ZNF729: variants seen among roughly 807,000 people sequenced by gnomAD.
ZNF729 encodes the protein zinc finger protein 729.
A neutral mutation model predicts 12.2 loss-of-function variants in ZNF729; 15 were observed. That is an observed-to-expected ratio of 1.23 (90% CI 0.82 to 1.89). The LOEUF is 1.89. Ranked by LOEUF, ZNF729 falls within the 40% of genes most tolerant of loss-of-function variation. ZNF729 has a pLI of 0.00. For synonymous variants in ZNF729, 492 were observed against 476.3 expected (o/e 1.03, Z -0.43); for missense variants, 1,540 against 1,456.7 (o/e 1.06, Z -0.93).
Position 22,292,436 on chromosome 19 carries a change from CTTTTA to C in ZNF729, c.30+5890_30+5894del, listed in dbSNP as rs374814913. On this transcript the variant is annotated intron_variant, in intron 1 of 3. Coordinates refer to ENST00000601693, the MANE Select transcript of ZNF729 (RefSeq NM_001242680.2). ...GTACCATATTTTGTTTTCATTAAATCTTTTATTTTATTTATTTTTGGAGACTGGGT... is the reference window on the plus strand; with the variant it reads ...GTACCATATTTTGTTTTCATTAAATCTTTTATTTATTTTTGGAGACTGGGT... Among the ~76,000 whole-genome samples the C allele has an allele frequency of 2.8e-4, 42 of 152,052 alleles. No individual in the cohort carries two copies. In the East Asian group the frequency reaches 7.7e-3, roughly 28 times the overall value.
rs747121696 is a variant in ZNF729 at position 22,316,041 on chromosome 19, G to A, written c.2624G>A (p.Ser875Asn). The part of the protein sequence containing the change: ...SSLRKHEIIH[S>N]GEKPYKCEEC... ...CTTAGAAAACATGAGATAATTCATAGTGGAGAGAAACCATACAAATGTGAA... is the reference window on the plus strand; with the variant it reads ...CTTAGAAAACATGAGATAATTCATAATGGAGAGAAACCATACAAATGTGAA... The change falls in exon 4 of 4, where the codon AGT (serine) becomes AAT (asparagine). Residue 875 changes from serine to asparagine, a missense_variant. By Grantham distance (46) the Ser-to-Asn change is conservative (BLOSUM62 1). Coordinates refer to ENST00000601693, the MANE Select transcript of ZNF729 (RefSeq NM_001242680.2). The A allele has an allele frequency of 1.9e-6, 3 of 1,606,044 alleles. No homozygotes were observed. The highest frequency in any genetic ancestry group is 2.7e-5 in the African/African-American group (2 of 73,198).
chr19:22,301,631 T>G (rs1412314617), intron 1 of ZNF729, among the ~76,000 whole-genome samples: 1 of 152,306 alleles, frequency 6.6e-6, no homozygotes, highest in Non-Finnish European at 1.5e-5. Flanking sequence ...CTTAAATCTT[T>G]TCTTTGAGAC....
In ZNF729 at chr19:22,314,466, G is replaced by A. The variant is rs116512305; in HGVS notation, c.1049G>A (p.Arg350His). Residue 350 changes from arginine (R) to histidine (H), a missense_variant, in exon 4 of 4, where the codon CGT becomes CAT. By Grantham distance (29) the Arg-to-His change is conservative. Coordinates refer to ENST00000601693, the MANE Select transcript of ZNF729 (RefSeq NM_001242680.2). The stretch of plus-strand genomic sequence containing the variant: ...CATACTGGAAAGAAACCCTACAAGC[G>A]TGAAGAATGTGGCAAAGCTTTTAGC... ...IIHTGKKPYK[R>H]EECGKAFSQS... 5.5e-4 allele frequency: 880 copies of A among 1,608,612 alleles called. 12 individuals are homozygous for A. In the African/African-American group the frequency reaches 7.2e-3, roughly 13 times the overall value.
chr19:22,302,010 G>T (rs1389969565), intron 1 of ZNF729, among the ~76,000 whole-genome samples: 2 of 152,312 alleles, frequency 1.3e-5, no homozygotes, highest in Admixed American at 1.3e-4. Context: ...AATCACCTAG[G>T]CATCTTTGAG....
chr19:22,288,311 G>GTTTTTTTTTTTTT (rs79658308), intron 1 of ZNF729, among the ~76,000 whole-genome samples: 1 of 124,888 alleles, frequency 8.0e-6, no homozygotes, highest in Non-Finnish European at 1.8e-5. Context: ...TCTTTGTACT[G>GTTTTTTTTTTTTT]TTTTTTTTTT....
chr19:22,286,586 G>A, intron 1 of ZNF729, 31 bp downstream of exon 1: 5 of 1,614,026 alleles, frequency 3.1e-6, no homozygotes, highest in Non-Finnish European at 4.2e-6. Context: ...ATCCCGAGAA[G>A]GGGAAGGGGC....
In ZNF729 at chr19:22,314,394, G is replaced by A. The variant is rs189619444; in HGVS notation, c.977G>A (p.Gly326Asp). ...AAACCCTACAAATGTGAAGATTGTG[G>A]CAAAACTTTTAACCATTTCTCAGCC... ...AEKPYKCEDC[G>D]KTFNHFSALR... The change falls in exon 4 of 4, where the codon GGC becomes GAC. Residue 326 changes from glycine to aspartate, a missense_variant. Coordinates refer to ENST00000601693, the MANE Select transcript of ZNF729 (RefSeq NM_001242680.2). 1 of 1,591,652 alleles carries A rather than the reference G, an allele frequency of 6.3e-7. No homozygotes were observed. The highest frequency in any genetic ancestry group is 8.6e-7 in the Non-Finnish European group (1 of 1,166,480).
intron 3 of ZNF729, among the ~76,000 whole-genome samples, chr19:22,308,689 T>C (rs1480896220): frequency 6.6e-6 from 1 of 152,216 alleles, no homozygotes; most frequent in Non-Finnish European, 1.5e-5. Context: ...AATTGTCTAT[T>C]CATGTCCTTA....
rs771182343 is a variant in ZNF729 at position 22,317,066 on chromosome 19, A to C, written c.3649A>C (p.Asn1217His). ...AATTCATACCAGAGAGAAACCTACA[A>C]ATGTGAAGAAAGTACCAAAGCTTTT... ...KTIHTREKPT[N>H]VKKVPKLLSN... The change falls in exon 4 of 4, where the codon AAT becomes CAT. Residue 1217 changes from asparagine to histidine, a missense_variant. Physicochemically the swap from Asn to His is moderately conservative, Grantham distance 68. Transcript: ENST00000601693. 2 of 1,605,454 alleles carry C rather than the reference A, an allele frequency of 1.2e-6. No homozygotes were observed. The highest frequency in any genetic ancestry group is 1.7e-6 in the Non-Finnish European group (2 of 1,176,768).
At chr19:22,295,653 G>T (rs1418430778) in intron 1 of ZNF729, among the ~76,000 whole-genome samples, 1 of 152,082 alleles carries the variant, frequency 6.6e-6, no homozygotes, top group Non-Finnish European at 1.5e-5. Context: ...GCCCGTCTCG[G>T]CCTCCCAAAG....
chr19:22,316,760 A>T lies in ZNF729; in HGVS notation c.3343A>T (p.Asn1115Tyr), dbSNP rs768897222. The T allele has an allele frequency of 6.2e-7, 1 of 1,612,022 alleles. No homozygotes were observed. Among genetic ancestry groups the T allele is most frequent in the Non-Finnish European group, 8.5e-7 (1 of 1,179,556 alleles). ...QCDECGKAFNNSSTLTKHKII... is the reference protein window; with the variant it reads ...QCDECGKAFNYSSTLTKHKII... ...TGACGAATGTGGCAAAGCTTTTAAC[A>T]ATTCCTCAACCCTTACGAAACATAA... The change falls in exon 4 of 4, where the codon AAT (asparagine) becomes TAT (tyrosine). Residue 1115 changes from asparagine to tyrosine, a missense_variant. Physicochemically the swap from Asn to Tyr is moderately radical, Grantham distance 143. Transcript: ENST00000601693.
intron 1 of ZNF729, among the ~76,000 whole-genome samples, chr19:22,294,680 C>T (rs1238314839): frequency 1.6e-5 from 2 of 128,026 alleles, no homozygotes; most frequent in Non-Finnish European, 1.6e-5. Context: ...TTTTTGAGTC[C>T]GAGTCTCACT....
rs146382242 is a variant in ZNF729, at chr19:22,298,558, G to A, written c.31-5200G>A. 5.4e-3 allele frequency among the ~76,000 whole-genome samples: 825 copies of A among 152,218 alleles called. 8 individuals carry two copies. The highest frequency in any genetic ancestry group is 0.019 in the African/African-American group (793 of 41,520). ...GACAGAGTTTCGCTCTTGTCACCCC[G>A]GCTGGAGTGCAATGGCATGGTCTCG... On this transcript the variant is annotated intron_variant, in intron 1 of 3. Coordinates refer to ENST00000601693, the MANE Select transcript of ZNF729 (RefSeq NM_001242680.2).
intron 1 of ZNF729, among the ~76,000 whole-genome samples, chr19:22,300,287 G>T (rs796581981): frequency 6.6e-6 from 1 of 152,140 alleles, no homozygotes; most frequent in Non-Finnish European, 1.5e-5. Context: ...TTCTACTTGT[G>T]AACTAATTAC....
At chr19:22,297,093 G>T (rs1270440429) in intron 1 of ZNF729, among the ~76,000 whole-genome samples, 2 of 152,080 alleles carry the variant, frequency 1.3e-5, no homozygotes, top group Non-Finnish European at 2.9e-5. Context: ...ATGTCTACTA[G>T]GACTCTGGTC....
chr19:22,304,272 C>T (rs149985133), intron 2 of ZNF729, among the ~76,000 whole-genome samples: 3,398 of 152,242 alleles, frequency 0.022, 125 homozygotes, highest in African/African-American at 0.077. Context: ...ATCTGTTGGC[C>T]TTGTGATCCA....
At chr19:22,303,077 T>G (rs111873316) in intron 1 of ZNF729, among the ~76,000 whole-genome samples, 3,351 of 152,186 alleles carry the variant, frequency 0.022, 111 homozygotes, top group African/African-American at 0.077. Context: ...GCCTGGCCTT[T>G]TAAGTATCTT....
At chr19:22,295,219 G>A (rs546658739) in intron 1 of ZNF729, among the ~76,000 whole-genome samples, 3 of 151,386 alleles carry the variant, frequency 2.0e-5, no homozygotes, top group East Asian at 3.9e-4. Flanking sequence ...TTTCTGCAGA[G>A]ACTGTAGGGT....
At chr19:22,312,870 C>T (rs1186724585) in intron 3 of ZNF729, among the ~76,000 whole-genome samples, 3 of 152,106 alleles carry the variant, frequency 2.0e-5, no homozygotes, top group Non-Finnish European at 4.4e-5. Context: ...TGTGCCACCA[C>T]GCCCAGCTAA....
Sources: allele counts gnomAD v4.1 joint callset (sites outside exome capture counted in the v4.1 genomes callset), GRCh38; gene constraint gnomAD v4.1.1; transcripts MANE v1.5; gene names NCBI Gene and HGNC (gene_info 2026-07-23, HGNC 2026-07-21).